EDN1: variants seen among roughly 807,000 people sequenced by gnomAD.
EDN1 encodes the protein endothelin-1.
Under a neutral mutation model 21.7 loss-of-function variants are expected in EDN1, and 11 were observed. That is an observed-to-expected ratio of 0.51 (90% CI 0.32 to 0.84). The LOEUF is 0.84. Ranked by LOEUF, EDN1 falls within the 40% of genes least tolerant of loss-of-function variation. EDN1 has a pLI of 0.03. For synonymous variants in EDN1, 85 were observed against 90.6 expected (o/e 0.94, Z 0.35); for missense variants, 244 against 262.3 (o/e 0.93, Z 0.48).
At chr6:12,286,122 G>A (rs1383097961), upstream of EDN1, among the ~76,000 whole-genome samples, 1 of 152,172 alleles carries the variant, frequency 6.6e-6, no homozygotes, top group Non-Finnish European at 1.5e-5. Context: ...CCCAAATATG[G>A]TAAAAATTGT....
rs1239711154 is a variant in EDN1, at chr6:12,292,418, C to T, written c.142C>T (p.Arg48Cys). The T allele has an allele frequency of 1.4e-5, 22 of 1,614,094 alleles. No individual in the cohort carries two copies. Among genetic ancestry groups the T allele is most frequent in the South Asian group, 3.3e-5 (3 of 91,088 alleles). The stretch of plus-strand genomic sequence containing the variant: ...CACTCCCAGTCCACCCTGGCGGCTC[C>T]GCCGGTCCAAGCGCTGCTCCTGCTC... ...KPTPSPPWRLRRSKRCSCSSL... is the reference protein window; with the variant it reads ...KPTPSPPWRLCRSKRCSCSSL... Residue 48 changes from arginine (R) to cysteine (C), a missense_variant, in exon 2 of 5, where the codon CGC (arginine) becomes TGC (cysteine). Coordinates refer to ENST00000379375, the MANE Select transcript of EDN1 (RefSeq NM_001955.5).
the EDN1 span, among the ~76,000 whole-genome samples, chr6:12,250,840 G>A: frequency 6.6e-6 from 1 of 152,170 alleles, no homozygotes; most frequent in East Asian, 1.9e-4. Context: ...GTAAGTCAAG[G>A]ACTCCCTAAG....
the EDN1 span, among the ~76,000 whole-genome samples, chr6:12,260,592 C>T: frequency 4.6e-5 from 7 of 152,172 alleles, no homozygotes; most frequent in Non-Finnish European, 7.3e-5. Context: ...AATTATATCA[C>T]TTTCAAATCA....
chr6:12,277,290 C>A, the EDN1 span, among the ~76,000 whole-genome samples: 1 of 152,146 alleles, frequency 6.6e-6, no homozygotes, highest in Non-Finnish European at 1.5e-5. Flanking sequence ...TCAAGGATGT[C>A]TTGAGAATTT....
chr6:12,248,327 C>G, the EDN1 span, among the ~76,000 whole-genome samples: 1 of 152,138 alleles, frequency 6.6e-6, no homozygotes, highest in Non-Finnish European at 1.5e-5. Flanking sequence ...TAGCTTCTAG[C>G]TTCCAGAACT....
the EDN1 span, among the ~76,000 whole-genome samples, chr6:12,264,444 T>C: frequency 6.6e-6 from 1 of 152,194 alleles, no homozygotes; most frequent in South Asian, 2.1e-4. Context: ...TATAAGAGAA[T>C]ATTATTTGAA....
the EDN1 span, among the ~76,000 whole-genome samples, chr6:12,256,169 G>A: frequency 6.6e-6 from 1 of 152,094 alleles, no homozygotes; most frequent in Admixed American, 6.6e-5. Context: ...AACAAAGCGA[G>A]AGTCCCATCT....
chr6:12,245,062 T>A, the EDN1 span, among the ~76,000 whole-genome samples: 2 of 152,172 alleles, frequency 1.3e-5, no homozygotes, highest in African/African-American at 4.8e-5. Context: ...TGTAAAGAAG[T>A]CACAAAATGT....
At chr6:12,241,708 CT>C in the EDN1 span, among the ~76,000 whole-genome samples, 4 of 152,156 alleles carry the variant, frequency 2.6e-5, no homozygotes, top group East Asian at 7.7e-4. Context: ...TGGTTTTCTT[CT>C]CTTACTCATG....
At chr6:12,266,337 G>T in the EDN1 span, among the ~76,000 whole-genome samples, 1 of 152,168 alleles carries the variant, frequency 6.6e-6, no homozygotes, top group Non-Finnish European at 1.5e-5. Context: ...ACTCAAAATG[G>T]AATGTCAGGT....
intron 3 of EDN1, 80 bp from the exon 4 acceptor site, chr6:12,294,181 G>A: frequency 1.2e-6 from 2 of 1,613,000 alleles, no homozygotes; most frequent in Non-Finnish European, 1.7e-6. Context: ...CTGTTTTAGA[G>A]AGACTAACAG....
the EDN1 span, among the ~76,000 whole-genome samples, chr6:12,247,667 T>C: frequency 6.6e-6 from 1 of 151,408 alleles, no homozygotes; most frequent in African/African-American, 2.4e-5. Context: ...ATCTCCTAAG[T>C]AGCTGGGATT....
chr6:12,263,437 CT>C, the EDN1 span, among the ~76,000 whole-genome samples: 1 of 152,180 alleles, frequency 6.6e-6, no homozygotes, highest in Non-Finnish European at 1.5e-5. Flanking sequence ...CACCCAAGAT[CT>C]GGTTTTTAGC....
chr6:12,287,135 GA>G (rs34431567), upstream of EDN1, among the ~76,000 whole-genome samples: 106,205 of 143,988 alleles, frequency 0.74, 38,641 homozygotes, highest in East Asian at 0.83. Context: ...TTAAAATTGA[GA>G]AAAAAAAAAA....
At chr6:12,276,935 A>G in the EDN1 span, among the ~76,000 whole-genome samples, 1 of 152,226 alleles carries the variant, frequency 6.6e-6, no homozygotes, top group Admixed American at 6.5e-5. Context: ...ATATAGACAT[A>G]TGATTATTTT....
chr6:12,287,697 C>CTG, upstream of EDN1, among the ~76,000 whole-genome samples: 2 of 74,178 alleles, frequency 2.7e-5, no homozygotes, highest in Non-Finnish European at 3.0e-5. Context: ...CCCTCTCTCT[C>CTG]TCTCTCTCTC....
At chr6:12,242,276 G>T in the EDN1 span, among the ~76,000 whole-genome samples, 1 of 152,158 alleles carries the variant, frequency 6.6e-6, no homozygotes, top group Non-Finnish European at 1.5e-5. Context: ...AATGAGAATG[G>T]TCATGCTGAA....
At chr6:12,243,725 A>G in the EDN1 span, among the ~76,000 whole-genome samples, 1 of 152,226 alleles carries the variant, frequency 6.6e-6, no homozygotes, top group African/African-American at 2.4e-5. Context: ...CTATAGTTAT[A>G]TCCCCAAAAG....
At chr6:12,239,494 T>C in the EDN1 span, among the ~76,000 whole-genome samples, 1 of 152,186 alleles carries the variant, frequency 6.6e-6, no homozygotes, top group African/African-American at 2.4e-5. Context: ...ATCTATCTTT[T>C]AGGGGTAGGG....
Sources: gnomAD v4.1 joint callset for allele counts (sites outside exome capture counted in the v4.1 genomes callset) on GRCh38, gnomAD v4.1.1 for gene constraint, MANE v1.5 for transcripts, NCBI Gene and HGNC (gene_info 2026-07-23, HGNC 2026-07-21) for gene names.